Variants in CASK observed in about 807,000 individuals in gnomAD.
CASK encodes peripheral plasma membrane protein CASK.
CASK carries 4 observed loss-of-function variants against 82.9 expected under a neutral mutation model. The ratio of observed to expected loss-of-function variants is 0.05; its 90% CI spans 0.02 to 0.11. The LOEUF is 0.11. Among genes scored for constraint, CASK ranks in the 10% least tolerant of loss-of-function variants. The pLI, the probability that CASK is intolerant of heterozygous loss-of-function variation, is 1.00. For missense variants in CASK, 358 were observed against 720.9 expected (o/e 0.50, Z 5.76); for synonymous variants, 259 against 253.5 (o/e 1.02, Z -0.20).
intron 25 of CASK, among the ~76,000 whole-genome samples, chrX:41,526,163 C>T (rs1046332556): frequency 4.5e-5 from 5 of 111,289 alleles, no homozygotes; most frequent in Non-Finnish European, 7.5e-5. Context: ...GGCCTTTTTT[C>T]CTTCCTTCCT....
At chrX:41,714,624 G>A (rs962626097) in intron 5 of CASK, among the ~76,000 whole-genome samples, 5 of 111,390 alleles carry the variant, frequency 4.5e-5, no homozygotes, top group Non-Finnish European at 9.4e-5. Context: ...CGTTTACTGG[G>A]GCTTACTCAG....
At chrX:41,588,166 C>T (rs905870154) in intron 13 of CASK, 3 of 112,161 alleles carry the variant, frequency 2.7e-5, no homozygotes, top group Non-Finnish European at 5.6e-5. Flanking sequence ...CATTAGAGTG[C>T]TGGTTATGCT....
intron 5 of CASK, among the ~76,000 whole-genome samples, chrX:41,730,835 T>G (rs1203104782): frequency 9.0e-6 from 1 of 111,535 alleles, no homozygotes; most frequent in East Asian, 2.8e-4. Flanking sequence ...TCTGAATAGC[T>G]GGGACCACAG....
chrX:41,775,200 C>T (rs5918241), intron 3 of CASK, among the ~76,000 whole-genome samples: 16,930 of 107,005 alleles, frequency 0.16, 1,413 homozygotes, highest in Middle Eastern at 0.3. Flanking sequence ...AAAAAACAAA[C>T]AACCCCATCA....
chrX:41,532,804 G>A (rs767261137), intron 24 of CASK, among the ~76,000 whole-genome samples: 29 of 110,987 alleles, frequency 2.6e-4, no homozygotes, highest in Non-Finnish European at 3.2e-4. Context: ...CTGAAGAACC[G>A]GCGTTACTAT....
chrX:41,665,226 T>C (rs1278946348), intron 7 of CASK, 51 bp downstream of exon 7: 6 of 1,070,575 alleles, frequency 5.6e-6, no homozygotes, highest in Non-Finnish European at 7.7e-6. Flanking sequence ...AAAAACATTT[T>C]TCAGGATAAA....
intron 5 of CASK, among the ~76,000 whole-genome samples, chrX:41,687,430 C>A (rs1323051966): frequency 8.9e-6 from 1 of 111,811 alleles, no homozygotes; most frequent in Non-Finnish European, 1.9e-5. Context: ...GGATATGACA[C>A]CAAGTGAAAT....
chrX:41,832,987 A>G (rs748514979), intron 2 of CASK, among the ~76,000 whole-genome samples: 1 of 111,730 alleles, frequency 9.0e-6, no homozygotes, highest in South Asian at 3.8e-4. Flanking sequence ...AGAAAAGGGA[A>G]CTCATTTATG....
intron 12 of CASK, among the ~76,000 whole-genome samples, chrX:41,591,892 C>T (rs967059662): frequency 3.6e-5 from 4 of 111,200 alleles, no homozygotes; most frequent in Admixed American, 2.9e-4. Flanking sequence ...CACCCCCTGA[C>T]GTGTCATAAT....
intron 2 of CASK, among the ~76,000 whole-genome samples, chrX:41,803,199 G>A (rs2070039172): frequency 9.0e-6 from 1 of 111,371 alleles, no homozygotes; most frequent in Middle Eastern, 4.2e-3. Flanking sequence ...GAAAAACAAT[G>A]AATGTGATAA....
At chrX:41,794,920 T>C (rs1470577621) in intron 2 of CASK, among the ~76,000 whole-genome samples, 2 of 112,385 alleles carry the variant, frequency 1.8e-5, no homozygotes, top group Non-Finnish European at 3.8e-5. Context: ...GTTGACAGGA[T>C]AGATTTCCTT....
At chrX:41,760,701 G>T (rs437459) in intron 3 of CASK, among the ~76,000 whole-genome samples, 21,180 of 109,778 alleles carry the variant, frequency 0.19, 1,642 homozygotes, top group Middle Eastern at 0.29. Context: ...ATGCTTGCAG[G>T]GTTTAAAGGC....
chrX:41,889,823 A>G (rs2072131700), intron 1 of CASK, among the ~76,000 whole-genome samples: 1 of 111,380 alleles, frequency 9.0e-6, no homozygotes, highest in Admixed American at 9.5e-5. Flanking sequence ...ATGGCCCAGG[A>G]AAAAGCAATG....
intron 2 of CASK, among the ~76,000 whole-genome samples, chrX:41,852,236 C>T (rs2071278900): frequency 1.8e-5 from 2 of 111,168 alleles, no homozygotes; most frequent in Admixed American, 1.9e-4. Flanking sequence ...TTGAAGCTCA[C>T]AATATGTGGG....
intron 5 of CASK, among the ~76,000 whole-genome samples, chrX:41,705,048 A>G (rs779616031): frequency 8.9e-6 from 1 of 112,487 alleles, no homozygotes; most frequent in Non-Finnish European, 1.9e-5. Context: ...CATCAGAACT[A>G]GGAAGATACA....
chrX:41,666,896 G>C (rs1205478656), intron 6 of CASK, among the ~76,000 whole-genome samples: 2 of 111,486 alleles, frequency 1.8e-5, no homozygotes, highest in African/African-American at 3.3e-5. Flanking sequence ...GCCTGGACAG[G>C]GAGGGGCCAC....
In CASK at chrX:41,553,911, T is replaced by G; in HGVS notation, c.1847A>C (p.Tyr616Ser). ...STTQPKGRQI[Y>S]VRAQFEYDPA... ...ATCATATTCAAATTGTGCTCTTACA[T>G]AGATCTATAAAACAGGAGTTCGTAA... Residue 616 changes from tyrosine to serine, a missense_variant, in exon 21 of 27, where the codon TAT becomes TCT. By Grantham distance (144) the Tyr-to-Ser change is moderately radical (BLOSUM62 -2). Transcript: ENST00000378163. The G allele has an allele frequency of 8.4e-7, 1 of 1,191,497 alleles. No individual in the cohort carries two copies. The highest frequency in any genetic ancestry group is 1.1e-6 in the Non-Finnish European group (1 of 877,528).
chrX:41,794,913 G>C (rs759810662), intron 2 of CASK, among the ~76,000 whole-genome samples: 16 of 112,230 alleles, frequency 1.4e-4, no homozygotes, highest in African/African-American at 4.9e-4. Flanking sequence ...AGGACACGTT[G>C]ACAGGATAGA....
rs571469394 is a variant in CASK, at chrX:41,515,826, C to A, written c.*4594G>T. 95 of 112,423 alleles carry A rather than the reference C, an allele frequency of 8.5e-4. No homozygotes were observed. Among genetic ancestry groups the A allele is most frequent in the African/African-American group, 3.1e-3 (95 of 31,006 alleles). 9.3% of individuals were successfully genotyped at this position (112,423 alleles called of 1,213,427 possible). A position where few individuals can be genotyped will look rare whatever the true frequency, so the allele number is the denominator to read the frequency against. On this transcript the variant is annotated 3_prime_UTR_variant, in exon 27 of 27. Coordinates refer to ENST00000378163, the MANE Select transcript of CASK (RefSeq NM_001367721.1). ...AAGCCTCTGTCAGTAAGAACACTGG[C>A]GTGTTCTCTCAGTCACACACCAGAG... is the stretch of plus-strand genomic sequence containing the variant.
Sources: allele counts gnomAD v4.1 joint callset (sites outside exome capture counted in the v4.1 genomes callset), GRCh38; gene constraint gnomAD v4.1.1; transcripts MANE v1.5; gene names NCBI Gene and HGNC (gene_info 2026-07-23, HGNC 2026-07-21).